GRM7: variants seen among roughly 807,000 people sequenced by gnomAD.
GRM7 encodes the protein metabotropic glutamate receptor 7.
GRM7 carries 35 observed loss-of-function variants against 84.5 expected under a neutral mutation model. That is an observed-to-expected ratio of 0.41 (90% CI 0.32 to 0.55). The LOEUF (loss-of-function observed/expected upper bound fraction) is 0.55. GRM7 is among the 20% of genes least tolerant of loss of function. The pLI, the probability that GRM7 is intolerant of heterozygous loss-of-function variation, is 0.19. For synonymous variants in GRM7, 487 were observed against 455.1 expected (o/e 1.07, Z -0.89); for missense variants, 1,003 against 1,194.6 (o/e 0.84, Z 2.36).
intron 4 of GRM7, among the ~76,000 whole-genome samples, chr3:7,394,626 A>G (rs544479817): frequency 7.8e-6 from 1 of 128,802 alleles, no homozygotes; most frequent in East Asian, 2.3e-4. Context: ...AAAAATAGGG[A>G]AAATACTTTT....
At chr3:6,926,563 A>T (rs1697305601) in intron 1 of GRM7, among the ~76,000 whole-genome samples, 1 of 152,210 alleles carries the variant, frequency 6.6e-6, no homozygotes, top group African/African-American at 2.4e-5. Context: ...TGCGAAGAGG[A>T]TAATCTGGTG....
chr3:7,695,049 T>A (rs1044011704), intron 9 of GRM7, among the ~76,000 whole-genome samples: 1 of 152,164 alleles, frequency 6.6e-6, no homozygotes, highest in Admixed American at 6.5e-5. Context: ...AAAGTGTTTT[T>A]CATGGTATTA....
chr3:7,337,427 CA>C (rs1559247000), intron 4 of GRM7, among the ~76,000 whole-genome samples: 1 of 151,884 alleles, frequency 6.6e-6, no homozygotes, highest in African/African-American at 2.4e-5. Flanking sequence ...CTTAATTTAG[CA>C]AAAAAGCTTC....
chr3:7,200,528 G>A (rs186068756), intron 2 of GRM7, among the ~76,000 whole-genome samples: 5 of 152,152 alleles, frequency 3.3e-5, no homozygotes, highest in Non-Finnish European at 5.9e-5. Context: ...CCCAGATGAC[G>A]CCAAAGCATT....
chr3:7,066,630 T>C (rs1385582116), intron 1 of GRM7, among the ~76,000 whole-genome samples: 1 of 151,744 alleles, frequency 6.6e-6, no homozygotes, highest in East Asian at 1.9e-4. Flanking sequence ...TTGACACTAT[T>C]CCACAAGATA....
intron 7 of GRM7, among the ~76,000 whole-genome samples, chr3:7,468,817 C>T (rs1002918778): frequency 6.6e-5 from 10 of 152,108 alleles, no homozygotes; most frequent in African/African-American, 2.2e-4. Flanking sequence ...CTTTCTCCTG[C>T]CACCATACAA....
intron 2 of GRM7, among the ~76,000 whole-genome samples, chr3:7,150,732 C>T (rs1474827429): frequency 1.3e-5 from 2 of 152,174 alleles, no homozygotes; most frequent in Non-Finnish European, 2.9e-5. Flanking sequence ...TCTCTATGTG[C>T]TTTAAAATTC....
chr3:7,569,441 C>T lies in GRM7; in HGVS notation c.1516-8981C>T, dbSNP rs181153725. On this transcript the variant is annotated intron_variant, in intron 7 of 9. Coordinates refer to ENST00000357716, the MANE Select transcript of GRM7 (RefSeq NM_000844.4). ...TTGTGTCTAGCTCAGGGAATGTAAACACACCAATCAGCACCCTGTCAAAAC... is the reference window on the plus strand; with the variant it reads ...TTGTGTCTAGCTCAGGGAATGTAAATACACCAATCAGCACCCTGTCAAAAC... Among the ~76,000 whole-genome samples the T allele has an allele frequency of 8.7e-4, 133 of 152,204 alleles. 1 individual carries two copies. The highest frequency in any genetic ancestry group is 3.4e-3 in the Middle Eastern group (1 of 294).
chr3:7,092,103 G>T (rs1407004160), intron 1 of GRM7, among the ~76,000 whole-genome samples: 1 of 152,030 alleles, frequency 6.6e-6, no homozygotes, highest in Non-Finnish European at 1.5e-5. Context: ...CCACTTTCAG[G>T]GTTCAAGCCA....
At chr3:7,116,010 T>G (rs539238746) in intron 1 of GRM7, among the ~76,000 whole-genome samples, 2 of 152,276 alleles carry the variant, frequency 1.3e-5, no homozygotes, top group East Asian at 3.9e-4. Flanking sequence ...AGGGCTCTTA[T>G]GCAAAGACCC....
intron 1 of GRM7, among the ~76,000 whole-genome samples, chr3:6,963,851 T>C (rs1011921138): frequency 6.6e-6 from 1 of 152,176 alleles, no homozygotes; most frequent in Non-Finnish European, 1.5e-5. Context: ...ATATGCTTAT[T>C]TTTTTCGTCT....
At chr3:6,954,053 C>CA (rs955646500) in intron 1 of GRM7, among the ~76,000 whole-genome samples, 47 of 146,232 alleles carry the variant, frequency 3.2e-4, no homozygotes, top group South Asian at 1.5e-3. Context: ...TTTTCTTCAA[C>CA]AAAAAAAATT....
At chr3:7,172,478 A>G (rs1695013502) in intron 2 of GRM7, among the ~76,000 whole-genome samples, 1 of 151,954 alleles carries the variant, frequency 6.6e-6, no homozygotes, top group South Asian at 2.1e-4. Context: ...AGCTTCCCAA[A>G]CAGTGCTCAC....
rs377282193 is a variant in GRM7 at position 7,703,427 on chromosome 3, A to T, written c.2698+23132A>T. 2.7e-4 allele frequency among the ~76,000 whole-genome samples: 37 copies of T among 136,618 alleles called. No homozygotes were observed. The East Asian group carries it at 6.1e-3, about 22-fold the overall frequency. The allele number at this position is 136,618 out of a possible 152,430, so 89.6% of individuals were successfully genotyped here. A position where few individuals can be genotyped will look rare whatever the true frequency, so the allele number is the denominator to read the frequency against. On this transcript the variant is annotated intron_variant, in intron 9 of 9. Coordinates refer to ENST00000357716, the MANE Select transcript of GRM7 (RefSeq NM_000844.4). ...AATTCTTATGAGGGTTCATTGAAAG[A>T]TTTCACATTAAGACTTTTTTTTTTA... is the stretch of plus-strand genomic sequence containing the variant.
chr3:7,280,744 C>G (rs1397718877), intron 2 of GRM7, among the ~76,000 whole-genome samples: 3 of 152,164 alleles, frequency 2.0e-5, no homozygotes, highest in Admixed American at 1.3e-4. Flanking sequence ...CCTGTTTAAA[C>G]AAAGTTTCTT....
At chr3:7,495,250 G>A (rs1407394864) in intron 7 of GRM7, among the ~76,000 whole-genome samples, 1 of 152,086 alleles carries the variant, frequency 6.6e-6, no homozygotes, top group Non-Finnish European at 1.5e-5. Flanking sequence ...CCCAAGAGAG[G>A]AGAAGAGCAG....
chr3:7,259,774 T>C (rs943422786), intron 2 of GRM7, among the ~76,000 whole-genome samples: 4 of 152,128 alleles, frequency 2.6e-5, no homozygotes, highest in Admixed American at 6.5e-5. Context: ...GTCTTTATGA[T>C]AGAATGATTT....
chr3:6,932,845 CCT>C (rs1697557763), intron 1 of GRM7, among the ~76,000 whole-genome samples: 1 of 149,366 alleles, frequency 6.7e-6, no homozygotes, highest in Non-Finnish European at 1.5e-5. Flanking sequence ...ATCTTCGACT[CCT>C]GGGTTCATTT....
chr3:6,996,364 T>TA (rs1230593063), intron 1 of GRM7, among the ~76,000 whole-genome samples: 3 of 152,182 alleles, frequency 2.0e-5, no homozygotes, highest in Non-Finnish European at 4.4e-5. Context: ...TACAAATTTT[T>TA]AATAGAATTA....
Sources: allele counts gnomAD v4.1 joint callset (sites outside exome capture counted in the v4.1 genomes callset), GRCh38; gene constraint gnomAD v4.1.1; transcripts MANE v1.5; gene names NCBI Gene and HGNC (gene_info 2026-07-23, HGNC 2026-07-21).